The following NRDC variants were observed in gnomAD, a reference collection of about 807,000 sequenced individuals.
NRDC encodes nardilysin.
In NRDC, 54 loss-of-function variants were observed where a neutral mutation model predicts 147.1. The observed-to-expected ratio is 0.37, with a 90% CI of 0.29 to 0.46. NRDC has a LOEUF of 0.46. Ranked by LOEUF, NRDC falls within the 20% of genes least tolerant of loss-of-function variation. The probability of loss-of-function intolerance (pLI) is 1.00; values close to 1 mark genes in which losing one functional copy is unlikely to be tolerated. For synonymous variants in NRDC, 440 were observed against 482.1 expected (o/e 0.91, Z 1.14); for missense variants, 1,082 against 1,370.6 (o/e 0.79, Z 3.33).
intron 1 of NRDC, among the ~76,000 whole-genome samples, chr1:51,859,618 G>A (rs1282672051): frequency 6.6e-6 from 1 of 152,238 alleles, no homozygotes; most frequent in East Asian, 1.9e-4. Context: ...TCAGGACTCA[G>A]ACAGGACCTG....
intron 2 of NRDC, chr1:51,837,372 C>A: frequency 9.7e-7 from 1 of 1,034,770 alleles, no homozygotes; most frequent in South Asian, 3.4e-5. Flanking sequence ...TCACTTGATA[C>A]TATAAACCCC....
chr1:51,850,383 G>A (rs935537893), intron 1 of NRDC, among the ~76,000 whole-genome samples: 1 of 151,952 alleles, frequency 6.6e-6, no homozygotes, highest in African/African-American at 2.4e-5. Flanking sequence ...ATTTAGTGAG[G>A]AAAAAATAGC....
rs765490933 is a variant in NRDC, at chr1:51,791,579, T to C, written c.2959A>G (p.Asn987Asp). The C allele has an allele frequency of 3.7e-6, 6 of 1,608,202 alleles. No individual in the cohort carries two copies. The highest frequency in any genetic ancestry group is 1.7e-5 in the Admixed American group (1 of 60,016). The change falls in exon 27 of 31, where the codon AAT becomes GAT. Residue 987 changes from asparagine (N) to aspartate (D), a missense_variant and splice_region_variant. Around this residue, in one of 3 missense-constraint regions of NRDC, gnomAD observed 187 missense variants for 193.6 expected, o/e 0.97. Coordinates refer to ENST00000352171, the MANE Select transcript of NRDC (RefSeq NM_001101662.2). Reference sequence around the variant, plus strand: ...TCATCTATTCACTCACTCACTCACTTGTATTTGGTTGCCTGAGTCCCCACA... The same window carrying C: ...TCATCTATTCACTCACTCACTCACTCGTATTTGGTTGCCTGAGTCCCCACA... ...VTVGTQATKY[N>D]SEVVDKKIEE...
chr1:51,870,828 TAATACA>T (rs66607219), intron 1 of NRDC, among the ~76,000 whole-genome samples: 30,254 of 151,854 alleles, frequency 0.2, 3,912 homozygotes, highest in Non-Finnish European at 0.28. Flanking sequence ...GTATTATTAC[TAATACA>T]GACAGTAATC....
chr1:51,824,165 G>A (rs939178923), intron 6 of NRDC, among the ~76,000 whole-genome samples: 6 of 138,162 alleles, frequency 4.3e-5, no homozygotes, highest in African/African-American at 1.6e-4. Context: ...CGCTCTTGTC[G>A]CCCAGGCTGG....
At chr1:51,835,874 T>C (rs1410464395) in intron 3 of NRDC, among the ~76,000 whole-genome samples, 1 of 152,234 alleles carries the variant, frequency 6.6e-6, no homozygotes, top group Non-Finnish European at 1.5e-5. Flanking sequence ...TCCTGATCCG[T>C]TGGCCTTAAC....
intron 27 of NRDC, 83 bp from the exon 28 acceptor site, chr1:51,791,073 A>G (rs1047001538): frequency 2.0e-6 from 2 of 982,380 alleles, no homozygotes; most frequent in Non-Finnish European, 3.2e-6. Flanking sequence ...GCAGAAGGCA[A>G]AAGAAGGAAT....
rs927773174 is a variant in NRDC at position 51,791,658 on chromosome 1, G to A, written c.2880C>T (p.Tyr960=). The A allele has an allele frequency of 5.0e-6, 8 of 1,612,676 alleles. No homozygotes were observed. The highest frequency in any genetic ancestry group is 6.8e-6 in the Non-Finnish European group (8 of 1,178,780). Residue 960 remains tyrosine (Y), a synonymous_variant, in exon 27 of 31, where the codon TAC becomes TAT. Coordinates refer to ENST00000352171, the MANE Select transcript of NRDC (RefSeq NM_001101662.2). Reference sequence around the variant, plus strand: ...TGTTCCTACAGGTAGGGTAGACATGGTACCTACAAGCCAGAGAGAAAAGTT... The same window carrying A: ...TGTTCCTACAGGTAGGGTAGACATGATACCTACAAGCCAGAGAGAAAAGTT... The part of the protein sequence containing the change: ...DFLRTKQTLG[Y]HVYPTCRNTS...
intron 1 of NRDC, among the ~76,000 whole-genome samples, chr1:51,842,569 T>G (rs569949330): frequency 1.3e-5 from 2 of 152,338 alleles, no homozygotes; most frequent in Admixed American, 1.3e-4. Context: ...CAGTGGAATA[T>G]TGTAACACAG....
intron 3 of NRDC, among the ~76,000 whole-genome samples, chr1:51,834,917 G>A (rs1680878108): frequency 6.6e-6 from 1 of 151,736 alleles, no homozygotes; most frequent in African/African-American, 2.4e-5. Context: ...CAGATTAATG[G>A]CTACTATAAA....
chr1:51,841,388 GCCT>G (rs1378056788), intron 1 of NRDC, among the ~76,000 whole-genome samples: 3 of 152,060 alleles, frequency 2.0e-5, no homozygotes, highest in Non-Finnish European at 4.4e-5. Flanking sequence ...GCTCACTGCA[GCCT>G]CGACCACCTG....
rs1288884070 is a variant in NRDC, at chr1:51,878,329, C to T, written c.287G>A (p.Ser96Asn). 3 of 1,614,084 alleles carry T rather than the reference C, an allele frequency of 1.9e-6. No homozygotes were observed. Among genetic ancestry groups the T allele is most frequent in the African/African-American group, 1.3e-5 (1 of 74,938 alleles). Residue 96 changes from serine to asparagine, a missense_variant, in exon 1 of 31, where the codon AGT becomes AAT. Around this residue, in one of 3 missense-constraint regions of NRDC, gnomAD observed 260 missense variants for 253.2 expected, o/e 1.03. Transcript: ENST00000352171. ...SEEEGRRGSL[S>N]NAGDPEIVKS... ...GACGATCTCAGGGTCCCCAGCATTA[C>T]TGAGAGACCCCCTCCGTCCCTCTTC...
At chr1:51,876,863 C>T (rs1683353042) in intron 1 of NRDC, among the ~76,000 whole-genome samples, 1 of 152,200 alleles carries the variant, frequency 6.6e-6, no homozygotes, top group Admixed American at 6.5e-5. Flanking sequence ...AATCCTTCAG[C>T]TTTCAATTCA....
In NRDC at chr1:51,837,713, C is replaced by T. The variant is rs188395204; in HGVS notation, c.631-1501G>A. 5.0e-6 allele frequency: 5 copies of T among 1,009,766 alleles called. No homozygotes were observed. In the African/African-American group the frequency reaches 8.1e-5, roughly 16 times the overall value. The allele number at this position is 1,009,766 out of a possible 1,614,324, so 62.6% of individuals were successfully genotyped here. On this transcript the variant is annotated intron_variant, in intron 2 of 30. Transcript: ENST00000352171. ...AGAACTGAATTAAGAAAGCCCTGAA[C>T]AAATCTTAATTCAATGTATATCATA...
At chr1:51,845,408 C>T (rs1288934443) in intron 1 of NRDC, among the ~76,000 whole-genome samples, 1 of 152,152 alleles carries the variant, frequency 6.6e-6, no homozygotes, top group East Asian at 1.9e-4. Context: ...GCCTGGCCAA[C>T]AATGGCGAAA....
In NRDC at chr1:51,825,409, AAAAC is replaced by A. The variant is rs1347688924; in HGVS notation, c.941-31_941-28del. The A allele has an allele frequency of 9.9e-6, 15 of 1,517,120 alleles. No individual in the cohort carries two copies. In the East Asian group the frequency reaches 1.6e-4, roughly 16 times the overall value. The allele number at this position is 1,517,120 out of a possible 1,614,324, so 94.0% of individuals were successfully genotyped here. On this transcript the variant is annotated intron_variant, in intron 5 of 30. Transcript: ENST00000352171. ...TGTCAATTTTAAATAAACACATAAT[AAAAC>A]AAAATTCAGTATCTCCTTTATTATA...
At position 51,789,573 on chromosome 1, in the gene NRDC, C is replaced by T. The variant is rs376785117; in HGVS notation, c.3253G>A (p.Val1085Ile). 3.0e-5 allele frequency: 48 copies of T among 1,612,844 alleles called. No homozygotes were observed. Among genetic ancestry groups the T allele is most frequent in the South Asian group, 9.9e-5 (9 of 91,064 alleles). The change falls in exon 30 of 31, where the codon GTT becomes ATT. Residue 1085 changes from valine to isoleucine, a missense_variant. Val to Ile is a conservative substitution (Grantham distance 29). Coordinates refer to ENST00000352171, the MANE Select transcript of NRDC (RefSeq NM_001101662.2). The stretch of plus-strand genomic sequence containing the variant: ...AGTTAGTTAAACATACTCACATGAA[C>T]GCTGAGCATTTTACTTCCTGGCCCT... Reference protein sequence around the residue: ...HRGPGSKMLSVHVVGYGKYEL... With the variant: ...HRGPGSKMLSIHVVGYGKYEL...
intron 17 of NRDC, among the ~76,000 whole-genome samples, chr1:51,807,704 C>A (rs575995096): frequency 6.6e-6 from 1 of 152,036 alleles, no homozygotes; most frequent in East Asian, 1.9e-4. Context: ...AAAACCCTAA[C>A]TCAGAAAACC....
intron 28 of NRDC, 81 bp downstream of exon 28, chr1:51,790,819 C>G: frequency 8.2e-7 from 1 of 1,218,452 alleles, no homozygotes; most frequent in Middle Eastern, 2.0e-4. Flanking sequence ...AGCTCAAAAA[C>G]TGGCCGGCGA....
Sources: gnomAD v4.1 joint callset for allele counts (sites outside exome capture counted in the v4.1 genomes callset) on GRCh38, gnomAD v4.1.1 for gene constraint, gnomAD v4.1.1 regional missense constraint, MANE v1.5 for transcripts, NCBI Gene and HGNC (gene_info 2026-07-23, HGNC 2026-07-21) for gene names.